LRP1B: variants seen among roughly 807,000 people sequenced by gnomAD.
The protein encoded by LRP1B is low-density lipoprotein receptor-related protein 1B.
Under a neutral mutation model 556.6 loss-of-function variants are expected in LRP1B, and 217 were observed. The observed-to-expected ratio is 0.39, with a 90% CI of 0.35 to 0.44. LRP1B has a LOEUF of 0.44. Among genes scored for constraint, LRP1B ranks in the 20% least tolerant of loss-of-function variants. The pLI, the probability that LRP1B is intolerant of heterozygous loss-of-function variation, is 1.00. For missense variants in LRP1B, 5,053 were observed against 5,620.8 expected, an observed-to-expected ratio of 0.90 and a Z score of 3.23; for synonymous variants, 2,047 against 1,865.8, an observed-to-expected ratio of 1.10 and a Z score of -2.50.
chr2:140,721,827 G>A (rs898016426), intron 35 of LRP1B, among the ~76,000 whole-genome samples: 1 of 151,348 alleles, frequency 6.6e-6, no homozygotes, highest in Admixed American at 6.6e-5. Flanking sequence ...ACATACCGCA[G>A]GAGACTTCCC....
intron 43 of LRP1B, among the ~76,000 whole-genome samples, chr2:140,554,854 A>ATGTGTGTGTGTGTGTGTG (rs1553485749): frequency 2.7e-5 from 4 of 146,112 alleles, no homozygotes; most frequent in Admixed American, 7.0e-5. Context: ...AAGTGTGTGT[A>ATGTGTGTGTGTGTGTGTG]TGTGTGTGTG....
chr2:141,093,987 G>A (rs1305628859), intron 7 of LRP1B, among the ~76,000 whole-genome samples: 3 of 152,056 alleles, frequency 2.0e-5, no homozygotes, highest in East Asian at 1.9e-4. Flanking sequence ...AAAATGCTGG[G>A]ATTACAGATA....
intron 1 of LRP1B, among the ~76,000 whole-genome samples, chr2:142,065,908 G>A (rs866326527): frequency 6.6e-6 from 1 of 151,098 alleles, no homozygotes; most frequent in Non-Finnish European, 1.5e-5. Flanking sequence ...TGAGAGTCTC[G>A]GTATGACTCA....
At position 140,845,859 on chromosome 2, in the gene LRP1B, A is replaced by G. The variant is rs532612042; in HGVS notation, c.4939+4243T>C. ...TTAGCACAGAGAAACAAAGAAATTA[A>G]GCGAGTTGGAAGGCAGAATGAATAG... is the stretch of plus-strand genomic sequence containing the variant. On this transcript the variant is annotated intron_variant, in intron 29 of 90. Transcript: ENST00000389484. 1.1e-3 allele frequency among the ~76,000 whole-genome samples: 162 copies of G among 152,324 alleles called. 1 individual carries two copies. Among genetic ancestry groups the G allele is most frequent in the African/African-American group, 3.8e-3 (159 of 41,590 alleles).
At chr2:140,471,057 C>A (rs1041113132) in intron 60 of LRP1B, among the ~76,000 whole-genome samples, 1 of 152,034 alleles carries the variant, frequency 6.6e-6, no homozygotes, top group Non-Finnish European at 1.5e-5. Flanking sequence ...AATATATGGA[C>A]CTACAAGAAG....
At chr2:141,639,921 A>G (rs1689268937) in intron 2 of LRP1B, among the ~76,000 whole-genome samples, 1 of 152,164 alleles carries the variant, frequency 6.6e-6, no homozygotes, top group Non-Finnish European at 1.5e-5. Flanking sequence ...GTAAACTCAC[A>G]GGAAGATATG....
intron 2 of LRP1B, among the ~76,000 whole-genome samples, chr2:141,527,099 A>G (rs1458178607): frequency 6.6e-6 from 1 of 151,880 alleles, no homozygotes; most frequent in Non-Finnish European, 1.5e-5. Flanking sequence ...AGGGCTTTTT[A>G]TTTCTGTTTT....
At chr2:140,351,090 T>C (rs942803461) in intron 76 of LRP1B, 52 bp from the exon 77 acceptor site, 5 of 1,169,684 alleles carry the variant, frequency 4.3e-6, no homozygotes, top group African/African-American at 1.6e-5. Flanking sequence ...CAACTAATGT[T>C]AAAAGCAATA....
intron 66 of LRP1B, among the ~76,000 whole-genome samples, chr2:140,441,634 A>G (rs542916844): frequency 6.6e-6 from 1 of 152,328 alleles, no homozygotes; most frequent in South Asian, 2.1e-4. Flanking sequence ...TTTTCCCCAT[A>G]AAAGTTCAAT....
chr2:141,892,217 A>C (rs10460251), intron 1 of LRP1B, among the ~76,000 whole-genome samples: 1 of 151,460 alleles, frequency 6.6e-6, no homozygotes, highest in Non-Finnish European at 1.5e-5. Flanking sequence ...CAAGAAAAAA[A>C]ATATAGACTC....
intron 41 of LRP1B, among the ~76,000 whole-genome samples, chr2:140,649,282 G>T (rs914805086): frequency 2.0e-5 from 3 of 152,030 alleles, no homozygotes; most frequent in Non-Finnish European, 2.9e-5. Context: ...CAGTCAAATG[G>T]CCATCAATTT....
At chr2:140,534,586 G>A (rs1424709217) in intron 46 of LRP1B, among the ~76,000 whole-genome samples, 1 of 152,086 alleles carries the variant, frequency 6.6e-6, no homozygotes. Context: ...CTGAATCAGT[G>A]TCTCATGGAG....
intron 7 of LRP1B, among the ~76,000 whole-genome samples, chr2:141,166,448 G>T (rs1036385522): frequency 7.1e-6 from 1 of 141,014 alleles, no homozygotes; most frequent in African/African-American, 2.6e-5. Context: ...GAGATATTTT[G>T]ATATAGGCAT....
At chr2:141,212,204 A>G (rs5022756) in intron 6 of LRP1B, among the ~76,000 whole-genome samples, 119,645 of 148,360 alleles carry the variant, frequency 0.81, 48,657 homozygotes, top group Admixed American at 0.87. Flanking sequence ...AAATTCTTGT[A>G]TAAAATTTAC....
chr2:142,027,341 G>A (rs1559030549), intron 1 of LRP1B, among the ~76,000 whole-genome samples: 1 of 151,412 alleles, frequency 6.6e-6, no homozygotes, highest in East Asian at 1.9e-4. Context: ...ATTAGGTTAA[G>A]AAGTGAGTAG....
intron 31 of LRP1B, among the ~76,000 whole-genome samples, chr2:140,820,800 G>T (rs1040156251): frequency 1.3e-5 from 2 of 151,262 alleles, no homozygotes; most frequent in African/African-American, 4.9e-5. Flanking sequence ...GATTTGCTAC[G>T]CATATAGAAA....
At chr2:140,280,985 T>G (rs1391704118) in intron 84 of LRP1B, among the ~76,000 whole-genome samples, 2 of 151,838 alleles carry the variant, frequency 1.3e-5, no homozygotes, top group African/African-American at 4.8e-5. Flanking sequence ...AGGACAATGA[T>G]GAATATGTAA....
chr2:140,982,721 C>T (rs1028660807), intron 17 of LRP1B, among the ~76,000 whole-genome samples: 1 of 152,144 alleles, frequency 6.6e-6, no homozygotes, highest in South Asian at 2.1e-4. Flanking sequence ...CTCAGGATAT[C>T]TAGTTTCTAA....
At chr2:141,113,250 G>C (rs993427208) in intron 7 of LRP1B, among the ~76,000 whole-genome samples, 22 of 152,224 alleles carry the variant, frequency 1.4e-4, no homozygotes, top group Admixed American at 3.9e-4. Flanking sequence ...GTGAACCAAA[G>C]AGATTTACTG....
Sources: allele counts gnomAD v4.1 joint callset (sites outside exome capture counted in the v4.1 genomes callset), GRCh38; gene constraint gnomAD v4.1.1; transcripts MANE v1.5; gene names NCBI Gene and HGNC (gene_info 2026-07-23, HGNC 2026-07-21).